CTNNA3: variants seen among roughly 807,000 people sequenced by gnomAD.
CTNNA3 encodes catenin alpha 3, also known as catenin alpha-3.
A neutral mutation model predicts 95.7 loss-of-function variants in CTNNA3; 76 were observed. The ratio of observed to expected loss-of-function variants is 0.79; its 90% CI spans 0.66 to 0.96. The LOEUF (loss-of-function observed/expected upper bound fraction) is 0.96. CTNNA3 is among the 40% of genes least tolerant of loss of function. CTNNA3 has a pLI of 0.00. For synonymous variants in CTNNA3, 431 were observed against 374.4 expected, an observed-to-expected ratio of 1.15 and a Z score of -1.74; for missense variants, 1,191 against 1,089.8, an observed-to-expected ratio of 1.09 and a Z score of -1.31.
chr10:67,120,799 G>GT (rs1564904920), intron 7 of CTNNA3, among the ~76,000 whole-genome samples: 1 of 151,984 alleles, frequency 6.6e-6, no homozygotes, highest in African/African-American at 2.4e-5. Flanking sequence ...TTTGTAATGC[G>GT]TAAGTCTTTC....
chr10:67,001,481 G>T (rs1169317908), intron 7 of CTNNA3, among the ~76,000 whole-genome samples: 1 of 151,762 alleles, frequency 6.6e-6, no homozygotes, highest in Non-Finnish European at 1.5e-5. Flanking sequence ...AAATGGGAAT[G>T]GGGGGCACAG....
chr10:66,145,985 C>A (rs552866933), intron 13 of CTNNA3, among the ~76,000 whole-genome samples: 9 of 152,184 alleles, frequency 5.9e-5, no homozygotes, highest in African/African-American at 2.2e-4. Flanking sequence ...TCCCGAGTAG[C>A]TGGGACTATA....
At chr10:67,308,190 C>T (rs1840635366) in intron 5 of CTNNA3, among the ~76,000 whole-genome samples, 1 of 152,156 alleles carries the variant, frequency 6.6e-6, no homozygotes, top group African/African-American at 2.4e-5. Flanking sequence ...ATTCAAGAGA[C>T]TAAATTACAG....
At chr10:65,923,057 TGGG>T (rs889209996) in intron 17 of CTNNA3, among the ~76,000 whole-genome samples, 2 of 152,064 alleles carry the variant, frequency 1.3e-5, no homozygotes, top group African/African-American at 4.8e-5. Context: ...CCTCAATATG[TGGG>T]GAATTACAGG....
chr10:66,483,897 C>A (rs1167237000), intron 11 of CTNNA3, among the ~76,000 whole-genome samples: 2 of 152,028 alleles, frequency 1.3e-5, no homozygotes. Context: ...AAAATAAGAT[C>A]TATCTGAAAA....
At chr10:67,236,221 T>C (rs1865449469) in intron 5 of CTNNA3, among the ~76,000 whole-genome samples, 1 of 150,722 alleles carries the variant, frequency 6.6e-6, no homozygotes, top group African/African-American at 2.5e-5. Flanking sequence ...GGTATGTTTA[T>C]TGCGGCATTA....
rs2076963324 is a variant in CTNNA3 at position 65,912,957 on chromosome 10, A to G, written c.*7373T>C. On this transcript the variant is annotated 3_prime_UTR_variant, in exon 18 of 18. Coordinates refer to ENST00000433211, the MANE Select transcript of CTNNA3 (RefSeq NM_013266.4). ...ATTAATATAATGGGCAGTTCATTCA[A>G]TCATATTCTGTCTCTGCAGAGCAGG... The G allele has an allele frequency of 6.6e-6, 1 of 152,166 alleles. No individual in the cohort carries two copies. Among genetic ancestry groups the G allele is most frequent in the Admixed American group, 6.6e-5 (1 of 15,256 alleles). The allele number at this position is 152,166 out of a possible 1,614,324, so 9.4% of individuals were successfully genotyped here. A position where few individuals can be genotyped will look rare whatever the true frequency, so the allele number is the denominator to read the frequency against.
intron 13 of CTNNA3, among the ~76,000 whole-genome samples, chr10:66,213,026 A>C (rs1014593401): frequency 1.3e-5 from 2 of 152,164 alleles, no homozygotes; most frequent in African/African-American, 4.8e-5. Context: ...AAAAAGAAAG[A>C]AAGAAATGTC....
At chr10:65,931,958 G>A (rs775884022) in intron 17 of CTNNA3, among the ~76,000 whole-genome samples, 27 of 152,268 alleles carry the variant, frequency 1.8e-4, no homozygotes, top group Non-Finnish European at 3.7e-4. Flanking sequence ...GGAGAAGCAA[G>A]AAGCCATGTG....
intron 7 of CTNNA3, among the ~76,000 whole-genome samples, chr10:66,783,492 G>C (rs1840620388): frequency 1.3e-5 from 2 of 152,180 alleles, no homozygotes; most frequent in South Asian, 4.1e-4. Flanking sequence ...AAATCCTTTT[G>C]GTTTTGTGAT....
At chr10:67,725,814 C>T (rs902389831) in intron 1 of CTNNA3, among the ~76,000 whole-genome samples, 2 of 150,184 alleles carry the variant, frequency 1.3e-5, no homozygotes, top group African/African-American at 4.9e-5. Flanking sequence ...CCTTATTCGC[C>T]AAAATCTTGA....
intron 6 of CTNNA3, among the ~76,000 whole-genome samples, chr10:67,189,299 T>C (rs1201736854): frequency 6.6e-6 from 1 of 151,874 alleles, no homozygotes; most frequent in African/African-American, 2.4e-5. Context: ...CAGAGTGGAG[T>C]GGTGGTTACC....
chr10:67,583,888 G>A (rs898806106), intron 3 of CTNNA3, among the ~76,000 whole-genome samples: 2 of 151,954 alleles, frequency 1.3e-5, no homozygotes, highest in African/African-American at 2.4e-5. Flanking sequence ...CGTAGTTCTC[G>A]TGCCATGGTT....
chr10:66,214,797 A>T (rs1276758082), intron 13 of CTNNA3, among the ~76,000 whole-genome samples: 8 of 152,114 alleles, frequency 5.3e-5, no homozygotes, highest in African/African-American at 1.9e-4. Flanking sequence ...CTAAGTAAAA[A>T]AGAAGTGATG....
At chr10:65,945,260 T>A (rs556037815) in intron 17 of CTNNA3, among the ~76,000 whole-genome samples, 1 of 152,220 alleles carries the variant, frequency 6.6e-6, no homozygotes, top group African/African-American at 2.4e-5. Context: ...ATGGTTGGAA[T>A]TTGTTATGAC....
chr10:66,604,685 G>A (rs759643534), intron 10 of CTNNA3, among the ~76,000 whole-genome samples: 2 of 151,570 alleles, frequency 1.3e-5, no homozygotes, highest in African/African-American at 2.4e-5. Context: ...CAGGAGCTGA[G>A]AGCTAAGTGT....
At chr10:67,141,968 G>A (rs1476077524) in intron 7 of CTNNA3, among the ~76,000 whole-genome samples, 6 of 152,026 alleles carry the variant, frequency 3.9e-5, no homozygotes, top group Non-Finnish European at 8.8e-5. Flanking sequence ...ATACCAAAAT[G>A]ATAAGAGGCT....
intron 5 of CTNNA3, among the ~76,000 whole-genome samples, chr10:67,412,143 C>T (rs1845390040): frequency 6.6e-6 from 1 of 152,020 alleles, no homozygotes; most frequent in Admixed American, 6.6e-5. Context: ...AATGCAACAT[C>T]CTTCTAAATA....
intron 1 of CTNNA3, among the ~76,000 whole-genome samples, chr10:67,706,537 G>GA (rs1292953712): frequency 2.6e-5 from 4 of 152,096 alleles, no homozygotes; most frequent in Non-Finnish European, 5.9e-5. Context: ...TACCAGAGCA[G>GA]AAGTGATGAA....
Sources: allele counts gnomAD v4.1 joint callset (sites outside exome capture counted in the v4.1 genomes callset), GRCh38; gene constraint gnomAD v4.1.1; transcripts MANE v1.5; gene names NCBI Gene and HGNC (gene_info 2026-07-23, HGNC 2026-07-21).